JAZF1: variants seen among roughly 807,000 people sequenced by gnomAD.
JAZF1 encodes the protein juxtaposed with another zinc finger protein 1.
A neutral mutation model predicts 26.4 loss-of-function variants in JAZF1; 8 were observed. The observed-to-expected ratio is 0.30, with a 90% CI of 0.18 to 0.55. The LOEUF (loss-of-function observed/expected upper bound fraction) is 0.55, where lower values mean the gene tolerates loss of function less well. Among genes scored for constraint, JAZF1 ranks in the 20% least tolerant of loss-of-function variants. The pLI is 0.94. For synonymous variants in JAZF1, 126 were observed against 122.3 expected, an observed-to-expected ratio of 1.03 and a Z score of -0.20; for missense variants, 199 against 322.0, an observed-to-expected ratio of 0.62 and a Z score of 2.92.
At chr7:28,057,274 GACCTTA>G (rs1430543390) in intron 1 of JAZF1, among the ~76,000 whole-genome samples, 2 of 152,176 alleles carry the variant, frequency 1.3e-5, no homozygotes, top group African/African-American at 4.8e-5. Flanking sequence ...ATGCTTTTAT[GACCTTA>G]ACCTCTATCT....
chr7:28,051,186 T>A lies in JAZF1; in HGVS notation c.116-59205A>T, dbSNP rs77301983. The stretch of plus-strand genomic sequence containing the variant: ...GTCTACTACTATAACTGTTTTTTTT[T>A]AAGAAACTATTGCTGTATTTTAAGT... On this transcript the variant is annotated intron_variant, in intron 1 of 4. Coordinates refer to ENST00000283928, the MANE Select transcript of JAZF1 (RefSeq NM_175061.4). Among the ~76,000 whole-genome samples the A allele has an allele frequency of 0.025, 3,732 of 151,044 alleles. 289 individuals are homozygous for A. The East Asian group carries it at 0.3, about 12-fold the overall frequency.
chr7:28,142,333 G>C (rs1197291112), intron 1 of JAZF1, among the ~76,000 whole-genome samples: 1 of 152,068 alleles, frequency 6.6e-6, no homozygotes, highest in East Asian at 1.9e-4. Flanking sequence ...TTCCAACAAA[G>C]GTACTCTGAG....
intron 1 of JAZF1, among the ~76,000 whole-genome samples, chr7:28,046,309 T>C (rs944760638): frequency 6.6e-6 from 1 of 152,204 alleles, no homozygotes; most frequent in East Asian, 1.9e-4. Context: ...ACAAACCTAG[T>C]TCCAGACCTG....
intron 2 of JAZF1, among the ~76,000 whole-genome samples, chr7:27,912,342 T>C (rs1416060011): frequency 6.6e-6 from 1 of 152,224 alleles, no homozygotes; most frequent in Non-Finnish European, 1.5e-5. Context: ...GTCGACTCCT[T>C]TTCCTTATTG....
At chr7:27,886,064 A>G (rs1783856690) in intron 3 of JAZF1, among the ~76,000 whole-genome samples, 1 of 152,232 alleles carries the variant, frequency 6.6e-6, no homozygotes, top group Non-Finnish European at 1.5e-5. Context: ...AATGCAGGGT[A>G]TCTTGAAAGC....
In JAZF1 at chr7:28,090,818, T is replaced by G. The variant is rs947617153; in HGVS notation, c.115+89645A>C. Reference sequence around the variant, plus strand: ...TATTCCACAGACTTTTTTTTAGTTGTTTTTTTTTTTTTTTTTTTTGAGACG... The same window carrying G: ...TATTCCACAGACTTTTTTTTAGTTGGTTTTTTTTTTTTTTTTTTTGAGACG... On this transcript the variant is annotated intron_variant, in intron 1 of 4. Transcript: ENST00000283928. 2.0e-3 allele frequency among the ~76,000 whole-genome samples: 174 copies of G among 88,120 alleles called. 1 individual carries two copies. Among genetic ancestry groups the G allele is most frequent in the African/African-American group, 0.011 (169 of 15,318 alleles). 57.8% of individuals were successfully genotyped at this position (88,120 alleles called of 152,430 possible). A position where few individuals can be genotyped will look rare whatever the true frequency, so the allele number is the denominator to read the frequency against.
At chr7:27,998,535 T>C (rs890935578) in intron 1 of JAZF1, among the ~76,000 whole-genome samples, 2 of 152,220 alleles carry the variant, frequency 1.3e-5, no homozygotes, top group East Asian at 1.9e-4. Context: ...CCTTAGTTTA[T>C]AGACATGTCA....
At chr7:27,991,457 T>C (rs985315446) in intron 2 of JAZF1, among the ~76,000 whole-genome samples, 9 of 152,188 alleles carry the variant, frequency 5.9e-5, no homozygotes, top group African/African-American at 1.7e-4. Context: ...GGGTCAGTTG[T>C]TGAGAATGTT....
intron 2 of JAZF1, among the ~76,000 whole-genome samples, chr7:27,903,207 G>C (rs188964695): frequency 6.6e-6 from 1 of 152,086 alleles, no homozygotes; most frequent in Admixed American, 6.5e-5. Context: ...GATTCTGCAG[G>C]CATTAATGTT....
rs59041966 is a variant in JAZF1, at chr7:27,840,512, G to A, written c.555+186C>T. Among the ~76,000 whole-genome samples the A allele has an allele frequency of 0.025, 3,743 of 152,338 alleles. 76 individuals are homozygous for A. The highest frequency in any genetic ancestry group is 0.084 in the East Asian group (436 of 5,172). On this transcript the variant is annotated intron_variant, in intron 4 of 4. Transcript: ENST00000283928. This position sits in a 1 kb window ranked among gnomAD's most constrained non-coding sequence, Gnocchi z 5.1. ...GGAAAGCCCCGGCAGCAGCGGTGGC[G>A]GGTGAGCACTTCCTTGAGGGCACCT...
chr7:28,123,297 T>C (rs1782634824), intron 1 of JAZF1, among the ~76,000 whole-genome samples: 1 of 152,266 alleles, frequency 6.6e-6, no homozygotes, highest in East Asian at 1.9e-4. Flanking sequence ...CTTCTTCAGA[T>C]CTCAGTTCAA....
chr7:27,932,961 C>T (rs188332779), intron 2 of JAZF1, among the ~76,000 whole-genome samples: 1 of 152,114 alleles, frequency 6.6e-6, no homozygotes, highest in Non-Finnish European at 1.5e-5. Context: ...AGATGATATA[C>T]AAGATCTGGT....
chr7:28,064,487 G>A (rs1445797798), intron 1 of JAZF1, among the ~76,000 whole-genome samples: 1 of 152,012 alleles, frequency 6.6e-6, no homozygotes, highest in East Asian at 1.9e-4. Flanking sequence ...TTTTTAAATT[G>A]AAAAACTAAG....
rs1337706678 is a variant in JAZF1 at position 27,830,866 on chromosome 7, C to T, written c.*1934G>A. 4.7e-6 allele frequency: 1 copy of T among 213,096 alleles called. No homozygotes were observed. Among genetic ancestry groups the T allele is most frequent in the African/African-American group, 2.3e-5 (1 of 44,216 alleles). The allele number at this position is 213,096 out of a possible 1,614,324, so 13.2% of individuals were successfully genotyped here. On this transcript the variant is annotated 3_prime_UTR_variant, in exon 5 of 5. Transcript: ENST00000283928. ...TAAGTAAATAGAAATTGGAATTTAT[C>T]TTTGAAAGCATTGAAAGAAATTTAA...
intron 1 of JAZF1, among the ~76,000 whole-genome samples, chr7:28,105,413 T>C (rs1360614943): frequency 1.3e-5 from 2 of 152,214 alleles, no homozygotes; most frequent in African/African-American, 4.8e-5. Context: ...TTAATCTAAT[T>C]GAGCTGAACA....
intron 1 of JAZF1, among the ~76,000 whole-genome samples, chr7:28,048,020 T>C (rs1312465596): frequency 2.6e-5 from 4 of 152,268 alleles, no homozygotes; most frequent in Admixed American, 2.0e-4. Flanking sequence ...ACAAAATCTG[T>C]CCCTAGTATC....
intron 3 of JAZF1, among the ~76,000 whole-genome samples, chr7:27,853,799 T>C (rs934921812): frequency 7.2e-5 from 11 of 152,334 alleles, no homozygotes; most frequent in African/African-American, 2.6e-4. Context: ...ACCAATTATG[T>C]GGTCAATTTT....
intron 1 of JAZF1, among the ~76,000 whole-genome samples, chr7:28,153,958 C>T (rs1783145301): frequency 6.6e-6 from 1 of 152,098 alleles, no homozygotes; most frequent in East Asian, 1.9e-4. Context: ...TCATGAGACT[C>T]TAAGAGAAGT....
At chr7:27,873,047 T>C (rs1039001821) in intron 3 of JAZF1, among the ~76,000 whole-genome samples, 30 of 152,220 alleles carry the variant, frequency 2.0e-4, no homozygotes, top group African/African-American at 7.0e-4. Flanking sequence ...AGTTTACTTA[T>C]ATTAAGCGAC....
Sources: gnomAD v4.1 joint callset for allele counts (sites outside exome capture counted in the v4.1 genomes callset) on GRCh38, gnomAD v4.1.1 for gene constraint, Gnocchi (gnomAD v3.1) non-coding constraint, MANE v1.5 for transcripts, NCBI Gene and HGNC (gene_info 2026-07-23, HGNC 2026-07-21) for gene names.